Variants in RAP1GAP2 observed in about 807,000 individuals in gnomAD.
The protein encoded by RAP1GAP2 is RAP1 GTPase activating protein 2, also known as rap1 GTPase-activating protein 2.
A neutral mutation model predicts 95.0 loss-of-function variants in RAP1GAP2; 27 were observed. The observed-to-expected ratio is 0.28, with a 90% CI of 0.21 to 0.39. RAP1GAP2 has a LOEUF of 0.39. RAP1GAP2 is among the 10% of genes least tolerant of loss of function. RAP1GAP2 has a pLI of 1.00. For synonymous variants in RAP1GAP2, 373 were observed against 380.9 expected (o/e 0.98, Z 0.24); for missense variants, 771 against 970.0 (o/e 0.79, Z 2.72).
intron 11 of RAP1GAP2, among the ~76,000 whole-genome samples, chr17:2,989,418 T>C (rs9908722): frequency 0.62 from 94,739 of 151,854 alleles, 29,944 homozygotes; most frequent in East Asian, 0.77. Flanking sequence ...CTGCAACCTC[T>C]GCCTCCCGGG....
intron 2 of RAP1GAP2, among the ~76,000 whole-genome samples, chr17:2,890,763 C>T (rs1475084430): frequency 6.6e-6 from 1 of 151,236 alleles, no homozygotes; most frequent in Admixed American, 6.6e-5. Context: ...TGGCTCACTG[C>T]AAGCTCCGCC....
chr17:3,012,895 A>G (rs1026061312), intron 17 of RAP1GAP2, among the ~76,000 whole-genome samples: 1 of 152,138 alleles, frequency 6.6e-6, no homozygotes, highest in African/African-American at 2.4e-5. Flanking sequence ...ATTGGTCCGT[A>G]ATGCAATGAA....
rs144989154 is a variant in RAP1GAP2, at chr17:2,788,034, A to G, written c.-14+10756A>G. ...ATTTAGATTATTTTTTGAATTTGCT[A>G]TTATAATGATATGATTAACATCTGT... is the stretch of plus-strand genomic sequence containing the variant. On this transcript the variant is annotated intron_variant, in intron 1 of 24. Coordinates refer to the RAP1GAP2 transcript ENST00000540393. Among the ~76,000 whole-genome samples, 472 of 152,316 alleles carry G rather than the reference A, an allele frequency of 3.1e-3. 3 individuals carry two copies. The highest frequency in any genetic ancestry group is 0.011 in the African/African-American group (445 of 41,580).
intron 2 of RAP1GAP2, among the ~76,000 whole-genome samples, chr17:2,886,030 C>A (rs867360000): frequency 6.6e-6 from 1 of 152,092 alleles, no homozygotes; most frequent in South Asian, 2.1e-4. Flanking sequence ...TGAGATGTCG[C>A]ATGAGAAGAG....
chr17:2,898,838 A>G (rs72819277), intron 2 of RAP1GAP2, among the ~76,000 whole-genome samples: 10,063 of 151,246 alleles, frequency 0.067, 356 homozygotes, highest in South Asian at 0.12. Context: ...CCATGAGGCG[A>G]GGAGTAGTCA....
At chr17:2,818,379 C>T (rs1227371158) in intron 2 of RAP1GAP2, among the ~76,000 whole-genome samples, 1 of 151,234 alleles carries the variant, frequency 6.6e-6, no homozygotes, top group Non-Finnish European at 1.5e-5. Context: ...GGCTGGAGTG[C>T]AGTGGTGCGA....
intron 2 of RAP1GAP2, among the ~76,000 whole-genome samples, chr17:2,840,288 C>T (rs949504771): frequency 2.6e-5 from 4 of 151,006 alleles, no homozygotes; most frequent in South Asian, 2.1e-4. Flanking sequence ...CTCAGCCTCC[C>T]GAGTAGCTGG....
intron 19 of RAP1GAP2, among the ~76,000 whole-genome samples, chr17:3,022,378 G>T (rs1597896686): frequency 6.6e-6 from 1 of 152,176 alleles, no homozygotes; most frequent in African/African-American, 2.4e-5. Context: ...GTTAAACATA[G>T]AGTTACCATA....
chr17:2,943,575 G>C (rs983345857), intron 3 of RAP1GAP2, among the ~76,000 whole-genome samples: 2 of 152,092 alleles, frequency 1.3e-5, no homozygotes, highest in Non-Finnish European at 2.9e-5. Context: ...TGAGGCAGGA[G>C]AATTGCTTGA....
intron 1 of RAP1GAP2, among the ~76,000 whole-genome samples, chr17:2,784,374 G>T (rs1009474818): frequency 6.6e-6 from 1 of 152,092 alleles, no homozygotes; most frequent in Non-Finnish European, 1.5e-5. Flanking sequence ...GGACTCAAGC[G>T]ATTCTCCTGC....
Position 2,800,423 on chromosome 17 carries a change from G to A in RAP1GAP2, c.45-92G>A, listed in dbSNP as rs548697323. The A allele has an allele frequency of 1.3e-5, 19 of 1,453,546 alleles. No homozygotes were observed. In the South Asian group the frequency reaches 2.2e-4, roughly 17 times the overall value. 90.0% of individuals were successfully genotyped at this position (1,453,546 alleles called of 1,614,324 possible). On this transcript the variant is annotated intron_variant, in intron 1 of 24. Transcript: ENST00000254695. ...CCTGACAGAGCCCTGCTGTCTGGTGGTTTGGGCTGTCCCGGGGACTCCTCC... is the reference window on the plus strand; with the variant it reads ...CCTGACAGAGCCCTGCTGTCTGGTGATTTGGGCTGTCCCGGGGACTCCTCC...
At chr17:2,815,627 G>A (rs567776346) in intron 2 of RAP1GAP2, among the ~76,000 whole-genome samples, 22 of 152,006 alleles carry the variant, frequency 1.4e-4, no homozygotes, top group South Asian at 4.2e-4. Flanking sequence ...GATTACAGGC[G>A]CGCACCACCA....
chr17:2,995,183 C>T (rs937619869), intron 12 of RAP1GAP2, among the ~76,000 whole-genome samples, 154 bp from the exon 13 acceptor site: 5 of 152,212 alleles, frequency 3.3e-5, no homozygotes, highest in African/African-American at 1.2e-4. Context: ...ACAGATCTAC[C>T]TGCTTTTCCC....
intron 12 of RAP1GAP2, among the ~76,000 whole-genome samples, chr17:2,992,164 CTTTTTTTT>C (rs11454789): frequency 7.4e-6 from 1 of 134,768 alleles, no homozygotes; most frequent in Non-Finnish European, 1.6e-5. Context: ...ACAGTCTATG[CTTTTTTTT>C]TTTTTTTTGA....
At chr17:2,916,734 C>A (rs534718349) in intron 3 of RAP1GAP2, among the ~76,000 whole-genome samples, 14 of 152,338 alleles carry the variant, frequency 9.2e-5, no homozygotes, top group African/African-American at 3.4e-4. Flanking sequence ...CCGTGATGGA[C>A]TGTGACGATG....
chr17:2,910,664 A>C (rs1372545512), intron 3 of RAP1GAP2, among the ~76,000 whole-genome samples: 1 of 152,214 alleles, frequency 6.6e-6, no homozygotes, highest in Non-Finnish European at 1.5e-5. Flanking sequence ...CCAAGGTAGG[A>C]AATGACTCTC....
intron 3 of RAP1GAP2, among the ~76,000 whole-genome samples, chr17:2,946,283 A>G (rs966734640): frequency 1.3e-5 from 2 of 152,186 alleles, no homozygotes; most frequent in Non-Finnish European, 2.9e-5. Flanking sequence ...CGCTGGCCTC[A>G]TAGGATGAGT....
At chr17:2,798,965 A>G (rs1013782274) in intron 1 of RAP1GAP2, among the ~76,000 whole-genome samples, 2 of 152,176 alleles carry the variant, frequency 1.3e-5, no homozygotes, top group African/African-American at 4.8e-5. Flanking sequence ...TTGACCATTG[A>G]GGAACTCTAA....
chr17:2,805,918 G>T (rs1485517506), intron 2 of RAP1GAP2, among the ~76,000 whole-genome samples: 1 of 152,128 alleles, frequency 6.6e-6, no homozygotes, highest in African/African-American at 2.4e-5. Context: ...ACACTCCTGA[G>T]GGGTGGGGAA....
Sources: gnomAD v4.1 joint callset for allele counts (sites outside exome capture counted in the v4.1 genomes callset) on GRCh38, gnomAD v4.1.1 for gene constraint, MANE v1.5 for transcripts, NCBI Gene and HGNC (gene_info 2026-07-23, HGNC 2026-07-21) for gene names.